The following APOD variants were observed in gnomAD, a reference collection of about 807,000 sequenced individuals.
APOD encodes the protein apo-D.
Under a neutral mutation model 20.4 loss-of-function variants are expected in APOD, and 22 were observed. That is an observed-to-expected ratio of 1.08 (90% CI 0.77 to 1.54). APOD has a LOEUF of 1.54. Among genes scored for constraint, APOD ranks in the 40% most tolerant of loss-of-function variants. The pLI, the probability that APOD is intolerant of heterozygous loss-of-function variation, is 0.00. For missense variants in APOD, 223 were observed against 229.6 expected (o/e 0.97, Z 0.19); for synonymous variants, 97 against 92.4 (o/e 1.05, Z -0.29).
chr3:195,580,288 AGTTATT>A (rs1720312032), intron 1 of APOD, among the ~76,000 whole-genome samples: 1 of 151,946 alleles, frequency 6.6e-6, no homozygotes, highest in Non-Finnish European at 1.5e-5. Flanking sequence ...AATAAATGCT[AGTTATT>A]GTTATTATCA....
At chr3:195,575,488 A>C (rs900818094) in intron 2 of APOD, among the ~76,000 whole-genome samples, 1 of 152,196 alleles carries the variant, frequency 6.6e-6, no homozygotes, top group Non-Finnish European at 1.5e-5. Flanking sequence ...CTGTAAAATT[A>C]CATAATACAT....
At chr3:195,574,361 A>G (rs146060940) in intron 2 of APOD, among the ~76,000 whole-genome samples, 327 of 152,350 alleles carry the variant, frequency 2.1e-3, no homozygotes, top group African/African-American at 7.3e-3. Context: ...AGCGCACGGA[A>G]CTTTCCTCAT....
chr3:195,571,490 G>T (rs1268418924), intron 3 of APOD, 125 bp from the exon 4 acceptor site: 1 of 776,884 alleles, frequency 1.3e-6, no homozygotes, highest in South Asian at 1.8e-5. Context: ...AGCCAACACC[G>T]TGATTTCTGG....
chr3:195,577,198 GA>G, intron 2 of APOD: 2 of 318,980 alleles, frequency 6.3e-6, no homozygotes, highest in Non-Finnish European at 6.0e-6. Flanking sequence ...AAAAAAAAAA[GA>G]AAAGAAAAGA....
intron 1 of APOD, 128 bp from the exon 2 acceptor site, chr3:195,579,623 T>A (rs1206324946): frequency 1.0e-6 from 1 of 999,192 alleles, no homozygotes; most frequent in Non-Finnish European, 1.5e-6. Context: ...CCAGCCCATG[T>A]GAACCCTCAT....
intron 1 of APOD, chr3:195,582,493 C>T (rs1349564107): frequency 1.3e-5 from 2 of 152,030 alleles, no homozygotes; most frequent in Non-Finnish European, 2.9e-5. Flanking sequence ...GTAATCCCAA[C>T]ACTTTGGGAG....
Position 195,579,371 on chromosome 3 carries a change from G to T in APOD, c.91C>A (p.Pro31Thr). The change falls in exon 2 of 5, where the codon CCT (proline) becomes ACT (threonine). Residue 31 changes from proline (P) to threonine (T), a missense_variant. Physicochemically the swap from Pro to Thr is conservative, Grantham distance 38 (BLOSUM62 -1). Transcript: ENST00000343267. The stretch of plus-strand genomic sequence containing the variant: ...ACGTCAAAATTCTCCTGCACCGGAG[G>T]ATTGGGGCACTTCCCAAGATGAAAT... ...QAFHLGKCPNPPVQENFDVNK... is the reference protein window; with the variant it reads ...QAFHLGKCPNTPVQENFDVNK... 17 of 1,614,268 alleles carry T rather than the reference G, an allele frequency of 1.1e-5. No individual in the cohort carries two copies. Among genetic ancestry groups the T allele is most frequent in the Non-Finnish European group, 1.4e-5 (17 of 1,180,046 alleles).
At chr3:195,574,656 G>A (rs757867354) in intron 2 of APOD, among the ~76,000 whole-genome samples, 1 of 152,184 alleles carries the variant, frequency 6.6e-6, no homozygotes, top group Non-Finnish European at 1.5e-5. Context: ...CTTTGGCCCA[G>A]CAATTTCACT....
At chr3:195,569,772 C>A (rs1416079291) in intron 4 of APOD, among the ~76,000 whole-genome samples, 1 of 145,158 alleles carries the variant, frequency 6.9e-6, no homozygotes, top group Non-Finnish European at 1.5e-5. Context: ...TTTATTCAGG[C>A]CTTCTTCTTC....
chr3:195,573,778 A>C, intron 3 of APOD, 72 bp downstream of exon 3: 1 of 1,566,100 alleles, frequency 6.4e-7, no homozygotes, highest in Non-Finnish European at 8.7e-7. Context: ...TCCCTGACCC[A>C]GGCTGCCGGA....
intron 1 of APOD, among the ~76,000 whole-genome samples, chr3:195,583,627 C>T (rs958024025): frequency 6.6e-6 from 1 of 152,192 alleles, no homozygotes; most frequent in African/African-American, 2.4e-5. Context: ...TGAGTTCACA[C>T]TGGGTTTGGT....
chr3:195,580,773 T>C (rs116128371), intron 1 of APOD, among the ~76,000 whole-genome samples: 430 of 152,326 alleles, frequency 2.8e-3, no homozygotes, highest in Non-Finnish European at 5.1e-3. Context: ...TGTGTAACTG[T>C]GCAACAAGCA....
rs1425486437 is a variant in APOD, at chr3:195,573,967, A to C, written c.128T>G (p.Leu43Arg). The C allele has an allele frequency of 5.0e-6, 8 of 1,613,886 alleles. No individual in the cohort carries two copies. The highest frequency in any genetic ancestry group is 1.3e-5 in the African/African-American group (1 of 74,896). ...CTTCTCAATTTCGTACCATCTTCCG[A>C]GATACTGCAGAGACAACAAGCAGAG... ...VQENFDVNKY[L>R]GRWYEIEKIP... Residue 43 changes from leucine to arginine, a missense_variant, in exon 3 of 5, where the codon CTC becomes CGC. By Grantham distance (102) the Leu-to-Arg change is moderately radical. Coordinates refer to ENST00000343267, the MANE Select transcript of APOD (RefSeq NM_001647.4).
intron 2 of APOD, among the ~76,000 whole-genome samples, chr3:195,576,541 G>A (rs1456344456): frequency 5.3e-5 from 8 of 152,226 alleles, no homozygotes; most frequent in African/African-American, 1.7e-4. Context: ...CAGACGCAGT[G>A]GCTCATGCCT....
chr3:195,573,508 C>G (rs1577603573), intron 3 of APOD, among the ~76,000 whole-genome samples: 1 of 152,234 alleles, frequency 6.6e-6, no homozygotes, highest in African/African-American at 2.4e-5. Context: ...AGTGTTTGAA[C>G]AAAGCTGGAT....
chr3:195,574,109 G>GAA, intron 2 of APOD, 138 bp from the exon 3 acceptor site: 1 of 1,191,594 alleles, frequency 8.4e-7, no homozygotes, highest in Non-Finnish European at 1.2e-6. Flanking sequence ...TGGCAACTGG[G>GAA]CAAGAGATTG....
intron 2 of APOD, chr3:195,577,227 T>C (rs1238972153): frequency 3.1e-6 from 1 of 325,186 alleles, no homozygotes; most frequent in Middle Eastern, 1.1e-3. Context: ...GAAAATTCCA[T>C]TTACAATAAC....
At chr3:195,574,733 T>C (rs1720222417) in intron 2 of APOD, among the ~76,000 whole-genome samples, 1 of 152,236 alleles carries the variant, frequency 6.6e-6, no homozygotes, top group South Asian at 2.1e-4. Flanking sequence ...CAGTACCGTT[T>C]GTAATAATAC....
chr3:195,575,273 T>G (rs1720229744), intron 2 of APOD, among the ~76,000 whole-genome samples: 1 of 152,242 alleles, frequency 6.6e-6, no homozygotes. Flanking sequence ...ATTCTCTGCT[T>G]TTAAGGATTT....
Sources: allele counts gnomAD v4.1 joint callset (sites outside exome capture counted in the v4.1 genomes callset), GRCh38; gene constraint gnomAD v4.1.1; transcripts MANE v1.5; gene names NCBI Gene and HGNC (gene_info 2026-07-23, HGNC 2026-07-21).